Variants in SLC22A14 observed in about 807,000 individuals in gnomAD.
The protein encoded by SLC22A14 is organic cation transporter-like 4.
Under a neutral mutation model 53.9 loss-of-function variants are expected in SLC22A14, and 50 were observed. The ratio of observed to expected loss-of-function variants is 0.93; its 90% CI spans 0.74 to 1.17. The LOEUF is 1.17. SLC22A14 is among the 50% of genes most tolerant of loss of function. The pLI, the probability that SLC22A14 is intolerant of heterozygous loss-of-function variation, is 0.00. For synonymous variants in SLC22A14, 312 were observed against 303.0 expected (o/e 1.03, Z -0.31); for missense variants, 671 against 734.7 (o/e 0.91, Z 1.00).
At chr3:38,289,538 G>T (rs1038863083) in intron 1 of SLC22A14, among the ~76,000 whole-genome samples, 43 of 152,180 alleles carry the variant, frequency 2.8e-4, no homozygotes, top group African/African-American at 1.0e-3. Context: ...CTAAGGAATG[G>T]AATCTTGGGC....
intron 1 of SLC22A14, among the ~76,000 whole-genome samples, chr3:38,289,005 C>A (rs1245555518): frequency 1.3e-5 from 2 of 151,668 alleles, no homozygotes; most frequent in Admixed American, 1.3e-4. Flanking sequence ...CAAAGTGAGA[C>A]CTGATCTCTA....
chr3:38,287,039 AT>A (rs1255492262), intron 1 of SLC22A14, among the ~76,000 whole-genome samples: 1 of 151,754 alleles, frequency 6.6e-6, no homozygotes, highest in East Asian at 1.9e-4. Context: ...GCTTGGCTTG[AT>A]TTGTGGTTCT....
At chr3:38,310,342 C>T (rs892148526) in intron 5 of SLC22A14, among the ~76,000 whole-genome samples, 1 of 152,132 alleles carries the variant, frequency 6.6e-6, no homozygotes, top group Admixed American at 6.5e-5. Flanking sequence ...TGTATTACTG[C>T]ACTCCAGCCT....
In SLC22A14 at chr3:38,298,046, C is replaced by T. The variant is rs185834352; in HGVS notation, c.1-7981C>T. Among the ~76,000 whole-genome samples, 281 of 152,266 alleles carry T rather than the reference C, an allele frequency of 1.8e-3. 3 individuals are homozygous for T. The highest frequency in any genetic ancestry group is 6.4e-3 in the African/African-American group (265 of 41,550). ...AAGAAGAGCTGTCCCTTTGATACTA[C>T]TTATTTATTCACTTATTTATATTAT... On this transcript the variant is annotated intron_variant, in intron 1 of 10. Coordinates refer to ENST00000448498, the MANE Select transcript of SLC22A14 (RefSeq NM_001320033.2).
intron 1 of SLC22A14, among the ~76,000 whole-genome samples, chr3:38,286,736 G>T (rs866403129): frequency 4.3e-4 from 60 of 139,810 alleles, no homozygotes; most frequent in Admixed American, 1.2e-3. Context: ...TTTTTTTTTT[G>T]TTTGTTTGTT....
At chr3:38,309,331 G>A (rs1419040796) in intron 5 of SLC22A14, among the ~76,000 whole-genome samples, 2 of 152,192 alleles carry the variant, frequency 1.3e-5, no homozygotes, top group Non-Finnish European at 2.9e-5. Flanking sequence ...CCCTCAAAGA[G>A]ATGTTAGAGA....
intron 1 of SLC22A14, among the ~76,000 whole-genome samples, chr3:38,290,115 A>T (rs560480187): frequency 2.6e-5 from 4 of 152,272 alleles, no homozygotes; most frequent in Admixed American, 6.5e-5. Flanking sequence ...GGATATGGTC[A>T]CCTTCCCAGA....
chr3:38,304,169 T>C (rs923049240), intron 1 of SLC22A14, among the ~76,000 whole-genome samples: 1 of 149,828 alleles, frequency 6.7e-6, no homozygotes, highest in African/African-American at 2.5e-5. Context: ...CCAGCCTGGA[T>C]GACAGAGCGA....
At chr3:38,302,328 A>AG (rs1704185482) in intron 1 of SLC22A14, among the ~76,000 whole-genome samples, 1 of 145,580 alleles carries the variant, frequency 6.9e-6, no homozygotes, top group African/African-American at 2.5e-5. Flanking sequence ...ATACATATAT[A>AG]TTTATATATA....
intron 1 of SLC22A14, among the ~76,000 whole-genome samples, chr3:38,304,736 G>T (rs1286776352): frequency 6.6e-6 from 1 of 152,062 alleles, no homozygotes; most frequent in African/African-American, 2.4e-5. Flanking sequence ...CTTTGTCATT[G>T]GTGTCCTGCA....
At chr3:38,293,925 A>G (rs1285517025) in intron 1 of SLC22A14, among the ~76,000 whole-genome samples, 2 of 152,222 alleles carry the variant, frequency 1.3e-5, no homozygotes, top group East Asian at 3.8e-4. Context: ...TAGCAGTAAC[A>G]TTATATCTCT....
rs771165247 is a variant in SLC22A14, at chr3:38,318,214, A to G, written c.1750A>G (p.Met584Val). 8 of 1,614,080 alleles carry G rather than the reference A, an allele frequency of 5.0e-6. No individual in the cohort carries two copies. The Admixed American group carries it at 6.7e-5, about 13-fold the overall frequency. Residue 584 changes from methionine to valine, a missense_variant, in exon 11 of 11, where the codon ATG becomes GTG. Transcript: ENST00000448498. ...CTCTTTCAGGAATAAGGTCAAGGAC[A>G]TGAAGACTAAGGAAACATCATCTGA... ...SSQIRNKVKD[M>V]KTKETSSDDV
chr3:38,281,697 A>C (rs2298420), upstream of SLC22A14, among the ~76,000 whole-genome samples: 1 of 152,190 alleles, frequency 6.6e-6, no homozygotes, highest in Non-Finnish European at 1.5e-5. Flanking sequence ...AAGTTTCAAC[A>C]TGAGTTTTGG....
At chr3:38,311,107 G>T (rs186136695) in intron 5 of SLC22A14, among the ~76,000 whole-genome samples, 153 of 152,320 alleles carry the variant, frequency 1.0e-3, no homozygotes, top group South Asian at 1.5e-3. Flanking sequence ...ACTCCCCTTT[G>T]CCTAGCTCGA....
rs1400172881 is a variant in SLC22A14 at position 38,315,705 on chromosome 3, T to G, written c.1526T>G (p.Val509Gly). ...TACACCGCTGAGCTCCTCCCCACTG[T>G]GCTCAGGTATGGGGTCTGGTGGGCG... is the stretch of plus-strand genomic sequence containing the variant. The part of the protein sequence containing the change: ...FLYTAELLPT[V>G]LRATGLGLVS... The change falls in exon 9 of 11, where the codon GTG becomes GGG. Residue 509 changes from valine to glycine, a missense_variant. Coordinates refer to ENST00000448498, the MANE Select transcript of SLC22A14 (RefSeq NM_001320033.2). 1.9e-6 allele frequency: 3 copies of G among 1,613,550 alleles called. No individual in the cohort carries two copies. In the East Asian group the frequency reaches 6.7e-5, roughly 36 times the overall value.
At chr3:38,294,136 C>A (rs1703973063) in intron 1 of SLC22A14, among the ~76,000 whole-genome samples, 1 of 150,346 alleles carries the variant, frequency 6.7e-6, no homozygotes, top group Admixed American at 6.6e-5. Flanking sequence ...CTCTTTGGTT[C>A]ATTGTTTACC....
chr3:38,303,505 T>C (rs1043471079), intron 1 of SLC22A14, among the ~76,000 whole-genome samples: 5 of 152,190 alleles, frequency 3.3e-5, no homozygotes, highest in African/African-American at 1.2e-4. Flanking sequence ...CACAAGTTTT[T>C]TTTTTAACTT....
At chr3:38,300,018 G>A (rs867627142) in intron 1 of SLC22A14, among the ~76,000 whole-genome samples, 3 of 152,144 alleles carry the variant, frequency 2.0e-5, no homozygotes, top group Admixed American at 6.5e-5. Flanking sequence ...GTGTGTCTTC[G>A]GGATAAATTC....
upstream of SLC22A14, among the ~76,000 whole-genome samples, chr3:38,279,956 T>A (rs1245134128): frequency 1.3e-5 from 2 of 152,202 alleles, no homozygotes; most frequent in African/African-American, 4.8e-5. Context: ...AGAAACAACT[T>A]GCTGAGATGC....
Sources: gnomAD v4.1 joint callset for allele counts (sites outside exome capture counted in the v4.1 genomes callset) on GRCh38, gnomAD v4.1.1 for gene constraint, MANE v1.5 for transcripts, NCBI Gene and HGNC (gene_info 2026-07-23, HGNC 2026-07-21) for gene names.